Variants in CAMTA1 observed in about 807,000 individuals in gnomAD.
CAMTA1 encodes the protein calmodulin-binding transcription activator 1.
CAMTA1 carries 27 observed loss-of-function variants against 170.9 expected under a neutral mutation model. That is an observed-to-expected ratio of 0.16 (90% CI 0.12 to 0.22). The LOEUF is 0.22. CAMTA1 is among the 10% of genes least tolerant of loss of function. CAMTA1 has a pLI of 1.00. For synonymous variants in CAMTA1, 833 were observed against 891.5 expected, an observed-to-expected ratio of 0.93 and a Z score of 1.17; for missense variants, 1,619 against 2,217.2, an observed-to-expected ratio of 0.73 and a Z score of 5.42.
rs902475443 is a variant in CAMTA1 at position 6,802,736 on chromosome 1, C to A, written c.45+17161C>A. On this transcript the variant is annotated intron_variant, in intron 1 of 22. Coordinates refer to ENST00000303635, the MANE Select transcript of CAMTA1 (RefSeq NM_015215.4). The stretch of plus-strand genomic sequence containing the variant: ...CAAAGCTTTTTCTTTGTCTCTCTCT[C>A]TCTCTTTTTTTTTTTTGAGACAAGG... 6.0e-5 allele frequency among the ~76,000 whole-genome samples: 9 copies of A among 151,246 alleles called. No individual in the cohort carries two copies. The South Asian group carries it at 6.2e-4, about 10-fold the overall frequency.
intron 5 of CAMTA1, among the ~76,000 whole-genome samples, chr1:7,374,306 A>G (rs773972668): frequency 5.9e-5 from 9 of 152,246 alleles, no homozygotes; most frequent in Non-Finnish European, 8.8e-5. Context: ...TTTTCTCCGT[A>G]TTAGAAAATT....
chr1:7,498,619 AGT>A lies in CAMTA1; in HGVS notation c.510+30725_510+30726del, dbSNP rs555736487. On this transcript the variant is annotated intron_variant, in intron 6 of 22. Transcript: ENST00000303635. Reference sequence around the variant, plus strand: ...CGTGTGAGTGTGAACATCTGTGTGCAGTGTGTGTATGAGTGTGCATGCATGTG... The same window carrying A: ...CGTGTGAGTGTGAACATCTGTGTGCAGTGTGTATGAGTGTGCATGCATGTG... Among the ~76,000 whole-genome samples the A allele has an allele frequency of 5.5e-4, 84 of 151,740 alleles. No individual in the cohort carries two copies. The South Asian group carries it at 7.5e-3, about 14-fold the overall frequency.
At chr1:7,472,661 G>A (rs2093353206) in intron 6 of CAMTA1, among the ~76,000 whole-genome samples, 1 of 152,180 alleles carries the variant, frequency 6.6e-6, no homozygotes, top group African/African-American at 2.4e-5. Context: ...TGGGCCCTCA[G>A]CCTGGATGCT....
intron 11 of CAMTA1, among the ~76,000 whole-genome samples, chr1:7,710,028 T>G (rs553090388): frequency 6.6e-6 from 1 of 152,254 alleles, no homozygotes; most frequent in Admixed American, 6.5e-5. Flanking sequence ...CTGTGATTCT[T>G]TTCTGTGGTA....
At chr1:7,111,102 C>T (rs991777683) in intron 4 of CAMTA1, among the ~76,000 whole-genome samples, 3 of 152,228 alleles carry the variant, frequency 2.0e-5, no homozygotes, top group African/African-American at 4.8e-5. Flanking sequence ...GAGCCAGCCA[C>T]GGAGCATCTC....
chr1:6,961,552 G>T (rs989496776), intron 3 of CAMTA1, among the ~76,000 whole-genome samples: 1 of 151,818 alleles, frequency 6.6e-6, no homozygotes, highest in Non-Finnish European at 1.5e-5. Flanking sequence ...GGGCTGAGCC[G>T]GGGGCGTGAG....
chr1:6,796,704 A>T (rs1642602887), intron 1 of CAMTA1, among the ~76,000 whole-genome samples: 1 of 152,050 alleles, frequency 6.6e-6, no homozygotes, highest in Non-Finnish European at 1.5e-5. Context: ...TGGATTGTGC[A>T]CTCGTGTAGC....
intron 6 of CAMTA1, among the ~76,000 whole-genome samples, chr1:7,535,280 C>G (rs1050101053): frequency 2.6e-5 from 4 of 151,628 alleles, no homozygotes; most frequent in Non-Finnish European, 5.9e-5. Context: ...TGGGGCGATG[C>G]CTGCTGAGGG....
intron 3 of CAMTA1, among the ~76,000 whole-genome samples, chr1:6,829,600 A>G (rs1168901632): frequency 6.6e-6 from 1 of 152,218 alleles, no homozygotes; most frequent in African/African-American, 2.4e-5. Flanking sequence ...TACATGAATC[A>G]TCACATTTAA....
rs545421647 is a variant in CAMTA1 at position 7,685,475 on chromosome 1, G to A, written c.2914+7742G>A. On this transcript the variant is annotated intron_variant, in intron 11 of 22. Coordinates refer to ENST00000303635, the MANE Select transcript of CAMTA1 (RefSeq NM_015215.4). The surrounding 1 kb of genome is among the most constrained non-coding windows in gnomAD (Gnocchi z 5.7). ...GCCTGATTGTCTTCATTCCACTTGA[G>A]GACTCCCAGCCCCTGTGTCCCCATT... Among the ~76,000 whole-genome samples, 6 of 152,248 alleles carry A rather than the reference G, an allele frequency of 3.9e-5. No individual in the cohort carries two copies. In the South Asian group the frequency reaches 1.2e-3, roughly 32 times the overall value.
intron 5 of CAMTA1, among the ~76,000 whole-genome samples, chr1:7,255,784 T>G (rs145883139): frequency 1.3e-5 from 2 of 152,360 alleles, no homozygotes; most frequent in Admixed American, 6.5e-5. Flanking sequence ...GCCCAGTGAC[T>G]AACTGCTTCC....
intron 3 of CAMTA1, among the ~76,000 whole-genome samples, chr1:6,935,793 C>T (rs1294995548): frequency 6.6e-6 from 1 of 152,190 alleles, no homozygotes; most frequent in Non-Finnish European, 1.5e-5. Flanking sequence ...GCTGCAGGCA[C>T]GGAAATCACT....
At chr1:7,282,391 CCT>C (rs1671649880) in intron 5 of CAMTA1, among the ~76,000 whole-genome samples, 1 of 152,146 alleles carries the variant, frequency 6.6e-6, no homozygotes. Flanking sequence ...GTAGCTCTCA[CCT>C]CTCTGATAAC....
At chr1:7,480,921 C>T (rs1363726269) in intron 6 of CAMTA1, among the ~76,000 whole-genome samples, 2 of 152,174 alleles carry the variant, frequency 1.3e-5, no homozygotes, top group African/African-American at 2.4e-5. Flanking sequence ...CAACTTCTCA[C>T]GGCTAGAGCA....
intron 5 of CAMTA1, among the ~76,000 whole-genome samples, chr1:7,414,816 GT>G (rs1389522658): frequency 1.3e-5 from 2 of 151,704 alleles, no homozygotes; most frequent in African/African-American, 2.4e-5. Context: ...GAATGTGTTT[GT>G]TCTTGCTTTT....
chr1:7,725,107 G>A lies in CAMTA1; in HGVS notation c.2915-7341G>A, dbSNP rs556637880. 5.3e-5 allele frequency among the ~76,000 whole-genome samples: 8 copies of A among 152,278 alleles called. No individual in the cohort carries two copies. The East Asian group carries it at 1.2e-3, about 22-fold the overall frequency. On this transcript the variant is annotated intron_variant, in intron 11 of 22. Transcript: ENST00000303635. The stretch of plus-strand genomic sequence containing the variant: ...AGAAGCTTTGAATGAATCAGGAGCC[G>A]GACGGTTGCTATGAAAGCCGTCAGA...
chr1:7,125,531 C>G lies in CAMTA1; in HGVS notation c.302+34160C>G, dbSNP rs113443252. Among the ~76,000 whole-genome samples the G allele has an allele frequency of 9.2e-3, 1,396 of 152,218 alleles. 31 individuals are homozygous for G. Among genetic ancestry groups the G allele is most frequent in the African/African-American group, 0.032 (1,328 of 41,518 alleles). On this transcript the variant is annotated intron_variant, in intron 4 of 22. Transcript: ENST00000303635. ...TTGCTTACCCATCCATAGGCACCTA[C>G]GGAAACACTTCCTGGAGTAAGGGAC...
At chr1:6,990,805 CTA>C (rs138700231) in intron 3 of CAMTA1, among the ~76,000 whole-genome samples, 45,460 of 141,244 alleles carry the variant, frequency 0.32, 7,793 homozygotes, top group African/African-American at 0.48. Flanking sequence ...CTCTCTCTCT[CTA>C]TATATATATA....
In CAMTA1 at chr1:7,543,026, G is replaced by T. The variant is rs551255737; in HGVS notation, c.510+75125G>T. Among the ~76,000 whole-genome samples the T allele has an allele frequency of 3.3e-4, 50 of 152,104 alleles. 1 individual carries two copies. In the South Asian group the frequency reaches 0.01, roughly 32 times the overall value. On this transcript the variant is annotated intron_variant, in intron 6 of 22. Transcript: ENST00000303635. ...ACTACAGGCGCCCTCCACTACACCC[G>T]GCTAATTATTTTTGTATTTATTAGT...
Sources: allele counts gnomAD v4.1 joint callset (sites outside exome capture counted in the v4.1 genomes callset), GRCh38; gene constraint gnomAD v4.1.1; non-coding constraint Gnocchi (gnomAD v3.1); transcripts MANE v1.5; gene names NCBI Gene and HGNC (gene_info 2026-07-23, HGNC 2026-07-21).